LNPEP: variants seen among roughly 807,000 people sequenced by gnomAD.
LNPEP encodes leucyl and cystinyl aminopeptidase.
A neutral mutation model predicts 120.6 loss-of-function variants in LNPEP; 64 were observed. The observed-to-expected ratio is 0.53, with a 90% CI of 0.43 to 0.65. The LOEUF is 0.65. LNPEP is among the 30% of genes least tolerant of loss of function. LNPEP has a pLI of 0.00. For missense variants in LNPEP, 1,057 were observed against 1,200.0 expected, an observed-to-expected ratio of 0.88 and a Z score of 1.76; for synonymous variants, 435 against 425.4, an observed-to-expected ratio of 1.02 and a Z score of -0.28.
At chr5:96,952,892 A>G (rs1458182035) in intron 1 of LNPEP, among the ~76,000 whole-genome samples, 5 of 152,044 alleles carry the variant, frequency 3.3e-5, no homozygotes, top group Admixed American at 3.3e-4. Context: ...GGCTAAGTTC[A>G]TTTACTTTTT....
In LNPEP at chr5:96,979,152, C is replaced by A. The variant is rs1348362580; in HGVS notation, c.34C>A (p.Pro12Thr). 2 of 1,605,624 alleles carry A rather than the reference C, an allele frequency of 1.2e-6. No homozygotes were observed. ...EPFTNDRLQL[P>T]RNMIENSMFE... ...TGGTTTTTTAGATCGGCTTCAGCTCCCCAGGAATATGATTGAAAACAGCAT... is the reference window on the plus strand; with the variant it reads ...TGGTTTTTTAGATCGGCTTCAGCTCACCAGGAATATGATTGAAAACAGCAT... Residue 12 changes from proline to threonine, a missense_variant, in exon 2 of 18, where the codon CCC (proline) becomes ACC (threonine). By Grantham distance (38) the Pro-to-Thr change is conservative. Transcript: ENST00000231368.
Position 96,993,032 on chromosome 5 carries a change from AC to A in LNPEP, c.1151del (p.Pro384GlnfsTer15). 1 of 1,593,780 alleles carries A rather than the reference AC, an allele frequency of 6.3e-7. No individual in the cohort carries two copies. Among genetic ancestry groups the A allele is most frequent in the Admixed American group, 1.8e-5 (1 of 56,938 alleles). On this transcript the variant is annotated frameshift_variant, in exon 5 of 18. Transcript: ENST00000231368. LOFTEE classifies it high-confidence loss of function. ...TCCTTTAGGTTTCTATATATGCTGT[AC>A]CAGAAAAGATTGGTCAAGTTCATTA... ...NGTLVSIYAV[P>X]EKIGQVHYAL...
At chr5:97,002,651 C>T (rs980733850) in intron 8 of LNPEP, among the ~76,000 whole-genome samples, 6 of 152,176 alleles carry the variant, frequency 3.9e-5, no homozygotes. Context: ...TGAGTTTTCA[C>T]TTTTTCCTCT....
At chr5:97,008,219 CA>C (rs1450528096) in intron 11 of LNPEP, among the ~76,000 whole-genome samples, 3 of 151,630 alleles carry the variant, frequency 2.0e-5, no homozygotes, top group Non-Finnish European at 2.9e-5. Flanking sequence ...GGAAATTTTG[CA>C]AACTTTCTGA....
intron 1 of LNPEP, among the ~76,000 whole-genome samples, chr5:96,947,705 C>G (rs910628347): frequency 6.6e-6 from 1 of 152,118 alleles, no homozygotes; most frequent in Non-Finnish European, 1.5e-5. Context: ...GTTATTATTA[C>G]AACTTTGTAC....
rs202204493 is a variant in LNPEP, at chr5:96,961,457, TG to T, written c.20-17680del. On this transcript the variant is annotated intron_variant, in intron 1 of 17. Transcript: ENST00000231368. ...TGAGTATCTTTGGACAGAAGCTAAT[TG>T]TTTTTTTTATAAATGTAATAGGATT... Among the ~76,000 whole-genome samples the T allele has an allele frequency of 6.9e-3, 1,057 of 152,294 alleles. 10 individuals are homozygous for T. Among genetic ancestry groups the T allele is most frequent in the African/African-American group, 0.024 (996 of 41,562 alleles).
intron 11 of LNPEP, among the ~76,000 whole-genome samples, chr5:97,009,092 T>A (rs1271568437): frequency 6.6e-6 from 1 of 152,218 alleles, no homozygotes; most frequent in Non-Finnish European, 1.5e-5. Context: ...GCACAAAAAT[T>A]CTATCAGCAA....
chr5:96,981,426 C>T (rs1298137571), intron 2 of LNPEP, among the ~76,000 whole-genome samples: 2 of 152,120 alleles, frequency 1.3e-5, no homozygotes, highest in Non-Finnish European at 2.9e-5. Flanking sequence ...TTTTATAATA[C>T]TCTATTTCTT....
chr5:96,948,293 T>C (rs1022343741), intron 1 of LNPEP, among the ~76,000 whole-genome samples: 17 of 152,106 alleles, frequency 1.1e-4, no homozygotes, highest in African/African-American at 3.4e-4. Context: ...AATTTTTATA[T>C]TTTTAGTGGA....
At position 97,032,761 on chromosome 5, in the gene LNPEP, T is replaced by C. The variant is rs1260940432; in HGVS notation, c.*4228T>C. On this transcript the variant is annotated 3_prime_UTR_variant, in exon 18 of 18. Transcript: ENST00000231368. Reference sequence around the variant, plus strand: ...TTCATCCATTTTGTGGACGTGTAGATAAAACGCGGTGGTCCAAAAGCATGA... The same window carrying C: ...TTCATCCATTTTGTGGACGTGTAGACAAAACGCGGTGGTCCAAAAGCATGA... The C allele has an allele frequency of 6.6e-6, 1 of 151,010 alleles. No homozygotes were observed. Among genetic ancestry groups the C allele is most frequent in the Non-Finnish European group, 1.5e-5 (1 of 67,670 alleles). The allele number at this position is 151,010 out of a possible 1,614,324, so 9.4% of individuals were successfully genotyped here.
At chr5:96,977,334 C>T (rs1422387048) in intron 1 of LNPEP, among the ~76,000 whole-genome samples, 4 of 151,812 alleles carry the variant, frequency 2.6e-5, no homozygotes, top group African/African-American at 4.8e-5. Context: ...GAGATGATGA[C>T]ACTGCAAGCA....
intron 1 of LNPEP, among the ~76,000 whole-genome samples, chr5:96,977,784 C>T (rs928443542): frequency 1.3e-5 from 2 of 152,108 alleles, no homozygotes; most frequent in African/African-American, 2.4e-5. Flanking sequence ...AAGCTTTGCT[C>T]TCCTGATGGT....
At chr5:97,001,634 A>G (rs1308086023) in intron 8 of LNPEP, among the ~76,000 whole-genome samples, 1 of 152,194 alleles carries the variant, frequency 6.6e-6, no homozygotes, top group Non-Finnish European at 1.5e-5. Context: ...ATCAGATGCA[A>G]GGACACACTT....
chr5:96,965,132 A>G (rs934491138), intron 1 of LNPEP, among the ~76,000 whole-genome samples: 4 of 152,104 alleles, frequency 2.6e-5, no homozygotes, highest in Admixed American at 6.6e-5. Context: ...ATTATTGTTA[A>G]TGGGTATGAA....
At chr5:97,010,937 ACT>A (rs1455213188) in intron 11 of LNPEP, 1 of 985,110 alleles carries the variant, frequency 1.0e-6, no homozygotes, top group Non-Finnish European at 1.2e-6. Flanking sequence ...TTAAATGATA[ACT>A]CTGTCTGTCT....
At chr5:96,948,617 C>T (rs1243011191) in intron 1 of LNPEP, among the ~76,000 whole-genome samples, 1 of 152,136 alleles carries the variant, frequency 6.6e-6, no homozygotes. Context: ...CTTAAATTTA[C>T]AAATATTAAC....
At position 96,940,343 on chromosome 5, in the gene LNPEP, A is replaced by G. The variant is rs143908691; in HGVS notation, c.19+4169A>G. On this transcript the variant is annotated intron_variant, in intron 1 of 17. Transcript: ENST00000231368. ...GAGAGATTGGTTATAAGGAAATTATATAGAAAATAAGTGGTAATTTTCTGC... is the reference window on the plus strand; with the variant it reads ...GAGAGATTGGTTATAAGGAAATTATGTAGAAAATAAGTGGTAATTTTCTGC... Among the ~76,000 whole-genome samples, 691 of 152,272 alleles carry G rather than the reference A, an allele frequency of 4.5e-3. 5 individuals are homozygous for G. The highest frequency in any genetic ancestry group is 7.5e-3 in the Non-Finnish European group (507 of 68,010).
At chr5:97,027,527 C>T (rs1423082266) in intron 16 of LNPEP, among the ~76,000 whole-genome samples, 3 of 152,162 alleles carry the variant, frequency 2.0e-5, no homozygotes, top group African/African-American at 7.2e-5. Context: ...TAATTGTCTG[C>T]ATGTTCTGAA....
chr5:96,994,048 G>A (rs1031096814), intron 6 of LNPEP, 77 bp downstream of exon 6: 1 of 1,192,010 alleles, frequency 8.4e-7, no homozygotes, highest in Admixed American at 2.5e-5. Flanking sequence ...GCATTTAGAT[G>A]CTAATAATTC....
Sources: allele counts gnomAD v4.1 joint callset (sites outside exome capture counted in the v4.1 genomes callset), GRCh38; gene constraint gnomAD v4.1.1; transcripts MANE v1.5; gene names NCBI Gene and HGNC (gene_info 2026-07-23, HGNC 2026-07-21).